Variants in DEFB104B observed in about 807,000 individuals in gnomAD.
The protein encoded by DEFB104B is beta-defensin 104.
chr8:7,473,267 A>G (rs1199824162), intron 1 of DEFB104B, among the ~76,000 whole-genome samples: 2 of 54,802 alleles, frequency 3.6e-5, no homozygotes, highest in African/African-American at 7.7e-5. Context: ...GGCTATAGGT[A>G]AATTTAAACA....
chr8:7,473,979 G>C (rs924828000), intron 1 of DEFB104B, among the ~76,000 whole-genome samples: 4 of 139,246 alleles, frequency 2.9e-5, no homozygotes, highest in African/African-American at 1.0e-4. Flanking sequence ...TATTTTAACA[G>C]ACCTGGAACA....
In DEFB104B at chr8:7,471,362, C is replaced by T. The variant is rs865925852; in HGVS notation, c.59-846G>A. On this transcript the variant is annotated intron_variant, in intron 1 of 1. Coordinates refer to ENST00000316169, the MANE Select transcript of DEFB104B (RefSeq NM_001040702.1). Reference sequence around the variant, plus strand: ...GAACATAGCCTGTTCTCAATAAGGACGTGGTGAGTAAATGATTGGATAGAC... The same window carrying T: ...GAACATAGCCTGTTCTCAATAAGGATGTGGTGAGTAAATGATTGGATAGAC... Among the ~76,000 whole-genome samples, 16 of 105,686 alleles carry T rather than the reference C, an allele frequency of 1.5e-4. No homozygotes were observed. The South Asian group carries it at 1.6e-3, about 11-fold the overall frequency. 69.3% of individuals were successfully genotyped at this position (105,686 alleles called of 152,430 possible). A position where few individuals can be genotyped will look rare whatever the true frequency, so the allele number is the denominator to read the frequency against.
At chr8:7,474,319 A>G (rs1456616639) in intron 1 of DEFB104B, among the ~76,000 whole-genome samples, 2 of 145,518 alleles carry the variant, frequency 1.4e-5, no homozygotes, top group African/African-American at 5.1e-5. Context: ...AGCTTGTAAA[A>G]GAAGGGAATT....
At chr8:7,474,744 C>G (rs1247200736) in intron 1 of DEFB104B, among the ~76,000 whole-genome samples, 2 of 138,098 alleles carry the variant, frequency 1.4e-5, no homozygotes, top group African/African-American at 5.2e-5. Flanking sequence ...CCGTGTGTGG[C>G]CAGGGTGCCA....
intron 1 of DEFB104B, among the ~76,000 whole-genome samples, chr8:7,474,061 C>T (rs1225725086): frequency 7.1e-6 from 1 of 140,340 alleles, no homozygotes; most frequent in African/African-American, 2.6e-5. Flanking sequence ...AAGAGTTAAC[C>T]TAAACAGGTA....
intron 1 of DEFB104B, among the ~76,000 whole-genome samples, chr8:7,474,146 TG>T (rs1811047243): frequency 7.1e-6 from 1 of 141,542 alleles, no homozygotes. Context: ...AGATGGGTGC[TG>T]GGTGTCTGTC....
chr8:7,474,125 G>A (rs1452241594), intron 1 of DEFB104B, among the ~76,000 whole-genome samples: 2 of 141,156 alleles, frequency 1.4e-5, no homozygotes, highest in African/African-American at 5.2e-5. Context: ...GCACAGCCTG[G>A]AAGGGTAAAA....
intron 1 of DEFB104B, among the ~76,000 whole-genome samples, chr8:7,474,499 A>G (rs1221814457): frequency 2.8e-5 from 4 of 141,932 alleles, no homozygotes; most frequent in African/African-American, 1.0e-4. Context: ...GTTCTTGCCT[A>G]CTGAAATCAC....
chr8:7,472,717 T>C (rs1335623877), intron 1 of DEFB104B, among the ~76,000 whole-genome samples: 1 of 132,698 alleles, frequency 7.5e-6, no homozygotes, highest in African/African-American at 3.0e-5. Flanking sequence ...GACACACCTG[T>C]GACACAACCT....
chr8:7,474,750 T>C (rs1376088937), intron 1 of DEFB104B, among the ~76,000 whole-genome samples: 1 of 137,610 alleles, frequency 7.3e-6, no homozygotes, highest in African/African-American at 2.6e-5. Context: ...GTGGCCAGGG[T>C]GCCAAGGACA....
Position 7,474,489 on chromosome 8 carries a change from G to C in DEFB104B, c.58+522C>G, listed in dbSNP as rs565825932. On this transcript the variant is annotated intron_variant, in intron 1 of 1. Coordinates refer to ENST00000316169, the MANE Select transcript of DEFB104B (RefSeq NM_001040702.1). Reference sequence around the variant, plus strand: ...GCTATTTGTGTTGTCAGTAAATTACGTTCTTGCCTACTGAAATCACTGCAT... The same window carrying C: ...GCTATTTGTGTTGTCAGTAAATTACCTTCTTGCCTACTGAAATCACTGCAT... Among the ~76,000 whole-genome samples, 33 of 141,956 alleles carry C rather than the reference G, an allele frequency of 2.3e-4. 1 individual carries two copies. The highest frequency in any genetic ancestry group is 8.5e-4 in the African/African-American group (33 of 38,788). 93.1% of individuals were successfully genotyped at this position (141,956 alleles called of 152,430 possible). A position where few individuals can be genotyped will look rare whatever the true frequency, so the allele number is the denominator to read the frequency against.
At chr8:7,474,493 T>G (rs1249717959) in intron 1 of DEFB104B, among the ~76,000 whole-genome samples, 1 of 141,944 alleles carries the variant, frequency 7.0e-6, no homozygotes, top group African/African-American at 2.6e-5. Context: ...AATTACGTTC[T>G]TGCCTACTGA....
At chr8:7,473,933 G>GTTGAAGAAAACCTGTTC in intron 1 of DEFB104B, among the ~76,000 whole-genome samples, 2 of 140,998 alleles carry the variant, frequency 1.4e-5, no homozygotes, top group East Asian at 4.1e-4. Flanking sequence ...GGGATCAAAG[G>GTTGAAGAAAACCTGTTC]TTGAAGAAAA....
At position 7,474,629 on chromosome 8, in the gene DEFB104B, G is replaced by C. The variant is rs60247995; in HGVS notation, c.58+382C>G. Among the ~76,000 whole-genome samples, 97 of 141,264 alleles carry C rather than the reference G, an allele frequency of 6.9e-4. 5 individuals carry two copies. The East Asian group carries it at 0.018, about 27-fold the overall frequency. The allele number at this position is 141,264 out of a possible 152,430, so 92.7% of individuals were successfully genotyped here. ...TTCAGAAGGAGGAGGATGGGAGAAG[G>C]CATCTTATTCTACAAAATCAACAAT... On this transcript the variant is annotated intron_variant, in intron 1 of 1. Coordinates refer to ENST00000316169, the MANE Select transcript of DEFB104B (RefSeq NM_001040702.1).
chr8:7,474,541 G>T lies in DEFB104B; in HGVS notation c.58+470C>A, dbSNP rs1392476824. ...CCCTTTAATCCTAATCATCTGACTT[G>T]ATATGAAAAGTTGCAAAATTTAGGA... On this transcript the variant is annotated intron_variant, in intron 1 of 1. Coordinates refer to ENST00000316169, the MANE Select transcript of DEFB104B (RefSeq NM_001040702.1). 1.6e-4 allele frequency among the ~76,000 whole-genome samples: 22 copies of T among 141,296 alleles called. 3 individuals are homozygous for T. Among genetic ancestry groups the T allele is most frequent in the Non-Finnish European group, 3.3e-4 (21 of 62,944 alleles). The allele number at this position is 141,296 out of a possible 152,430, so 92.7% of individuals were successfully genotyped here. A position where few individuals can be genotyped will look rare whatever the true frequency, so the allele number is the denominator to read the frequency against.
At chr8:7,470,948 C>A (rs1810916217) in intron 1 of DEFB104B, among the ~76,000 whole-genome samples, 1 of 118,536 alleles carries the variant, frequency 8.4e-6, no homozygotes, top group African/African-American at 3.2e-5. Flanking sequence ...CTGGTACCTT[C>A]ACGTGCACTG....
intron 1 of DEFB104B, among the ~76,000 whole-genome samples, chr8:7,471,167 G>C (rs1395877617): frequency 1.4e-5 from 2 of 145,370 alleles, no homozygotes; most frequent in Non-Finnish European, 3.0e-5. Flanking sequence ...TATCTATATA[G>C]GTATATATAT....
At chr8:7,471,960 C>G (rs1207499041) in intron 1 of DEFB104B, among the ~76,000 whole-genome samples, 6 of 150,726 alleles carry the variant, frequency 4.0e-5, no homozygotes, top group African/African-American at 1.2e-4. Context: ...GGTTCTTTGT[C>G]CAGGATGTAG....
intron 1 of DEFB104B, among the ~76,000 whole-genome samples, chr8:7,474,117 A>G (rs1274482845): frequency 1.4e-5 from 2 of 141,190 alleles, no homozygotes; most frequent in African/African-American, 5.2e-5. Context: ...CAGTGGAGGC[A>G]CAGCCTGGAA....
Sources: allele counts gnomAD v4.1 joint callset (sites outside exome capture counted in the v4.1 genomes callset), GRCh38; gene constraint gnomAD v4.1.1; transcripts MANE v1.5; gene names NCBI Gene and HGNC (gene_info 2026-07-23, HGNC 2026-07-21).